The following TUBE1 variants were observed in gnomAD, a reference collection of about 807,000 sequenced individuals.
The protein encoded by TUBE1 is tubulin epsilon 1.
In TUBE1, 34 loss-of-function variants were observed where a neutral mutation model predicts 53.5. The observed-to-expected ratio is 0.64, with a 90% CI of 0.48 to 0.85. The LOEUF (loss-of-function observed/expected upper bound fraction) is 0.85, where lower values mean the gene tolerates loss of function less well. Ranked by LOEUF, TUBE1 falls within the 40% of genes least tolerant of loss-of-function variation. The probability of loss-of-function intolerance (pLI) is 0.00; values close to 1 mark genes in which losing one functional copy is unlikely to be tolerated. For missense variants in TUBE1, 532 were observed against 570.5 expected (o/e 0.93, Z 0.69); for synonymous variants, 177 against 198.4 (o/e 0.89, Z 0.91).
Position 112,071,095 on chromosome 6 carries a change from T to C in TUBE1, c.*317A>G, listed in dbSNP as rs1202647367. 1 of 162,260 alleles carries C rather than the reference T, an allele frequency of 6.2e-6. No homozygotes were observed. The highest frequency in any genetic ancestry group is 1.3e-5 in the Non-Finnish European group (1 of 75,196). The allele number at this position is 162,260 out of a possible 1,614,324, so 10.1% of individuals were successfully genotyped here. A position where few individuals can be genotyped will look rare whatever the true frequency, so the allele number is the denominator to read the frequency against. Reference sequence around the variant, plus strand: ...TAAAAATATATCTGTACAAGATTTTTATTGAAGACACATCAGTGCATAAAT... The same window carrying C: ...TAAAAATATATCTGTACAAGATTTTCATTGAAGACACATCAGTGCATAAAT... On this transcript the variant is annotated 3_prime_UTR_variant, in exon 12 of 12. Coordinates refer to ENST00000368662, the MANE Select transcript of TUBE1 (RefSeq NM_016262.5).
At chr6:112,079,602 C>G (rs374414958) in intron 6 of TUBE1, 31 bp downstream of exon 6, 55 of 1,605,704 alleles carry the variant, frequency 3.4e-5, no homozygotes, top group Non-Finnish European at 4.4e-5. Context: ...TCCTTTAACA[C>G]TGTTACAGGC....
Position 112,084,208 on chromosome 6 carries a change from AT to A in TUBE1, c.190del (p.Ile64TyrfsTer4). 6.2e-7 allele frequency: 1 copy of A among 1,613,028 alleles called. No individual in the cohort carries two copies. Among genetic ancestry groups the A allele is most frequent in the Non-Finnish European group, 8.5e-7 (1 of 1,179,132 alleles). ...GDGGSISKGK[I>X]CSLKARAVLI... ...TCTTACTCGTGCTTTTAAAGAACAT[AT>A]TTTTCCCTTGGAAATACTTCCACCA... On this transcript the variant is annotated frameshift_variant, in exon 4 of 12. Coordinates refer to ENST00000368662, the MANE Select transcript of TUBE1 (RefSeq NM_016262.5). LOFTEE classifies it high-confidence loss of function.
At chr6:112,071,662 G>T (rs1185276211) in intron 11 of TUBE1, 92 bp from the exon 12 acceptor site, 5 of 1,120,658 alleles carry the variant, frequency 4.5e-6, no homozygotes, top group Non-Finnish European at 6.2e-6. Context: ...ATTAAAATTA[G>T]AGTTCATTCA....
chr6:112,072,082 AT>A lies in TUBE1; in HGVS notation c.1095-7del. On this transcript the variant is annotated splice_polypyrimidine_tract_variant and splice_region_variant and intron_variant, in intron 10 of 11. Coordinates refer to ENST00000368662, the MANE Select transcript of TUBE1 (RefSeq NM_016262.5). ...ATTGTAGAGATGGTTTTAATCTGAG[AT>A]TAAAAAAAAAAATCTCAGAAGGTGA... 1 of 1,571,274 alleles carries A rather than the reference AT, an allele frequency of 6.4e-7. No individual in the cohort carries two copies.
rs1776874567 is a variant in TUBE1 at position 112,071,961 on chromosome 6, ATG to A, written c.1208_1209del (p.Thr403MetfsTer30). ...SHSLLALANN[T>X]CVKPTFMELK... ...AGTTCCATGAAGGTGGGCTTCACAC[ATG>A]TGTTATTTGCTAAAGCTAATAACGA... On this transcript the variant is annotated frameshift_variant, in exon 11 of 12. Coordinates refer to ENST00000368662, the MANE Select transcript of TUBE1 (RefSeq NM_016262.5). LOFTEE classifies it high-confidence loss of function. 1.2e-6 allele frequency: 2 copies of A among 1,612,508 alleles called. No homozygotes were observed. The highest frequency in any genetic ancestry group is 1.3e-5 in the African/African-American group (1 of 74,960).
Position 112,071,273 on chromosome 6 carries a change from A to T in TUBE1, c.*139T>A. On this transcript the variant is annotated 3_prime_UTR_variant, in exon 12 of 12. Transcript: ENST00000368662. ...TTGGTATTACCAACAAATTGCGATT[A>T]AACAGAAATCACTCTTTTAGACAAA... The T allele has an allele frequency of 1.3e-6, 1 of 787,204 alleles. No homozygotes were observed. The highest frequency in any genetic ancestry group is 1.8e-6 in the Non-Finnish European group (1 of 542,538). The allele number at this position is 787,204 out of a possible 1,614,324, so 48.8% of individuals were successfully genotyped here. A position where few individuals can be genotyped will look rare whatever the true frequency, so the allele number is the denominator to read the frequency against.
chr6:112,087,381 C>A (rs781917485), intron 1 of TUBE1, 29 bp downstream of exon 1: 5 of 1,551,282 alleles, frequency 3.2e-6, no homozygotes, highest in Non-Finnish European at 4.4e-6. Context: ...CCGCGGCGAC[C>A]AGGTCTCTAC....
At position 112,076,316 on chromosome 6, in the gene TUBE1, TCTTA is replaced by T. The variant is rs782574718; in HGVS notation, c.636+2_636+5del. The T allele has an allele frequency of 4.5e-6, 7 of 1,558,436 alleles. No individual in the cohort carries two copies. Among genetic ancestry groups the T allele is most frequent in the Non-Finnish European group, 6.1e-6 (7 of 1,153,446 alleles). On this transcript the variant is annotated splice_donor_variant and splice_donor_5th_base_variant and intron_variant, in intron 7 of 11. Transcript: ENST00000368662. LOFTEE classifies it high-confidence loss of function. ...TTTATTCATAAGTTCCAATGTCATT[TCTTA>T]CTTGATTGTCAATGGGCAATACACA...
intron 11 of TUBE1, 72 bp from the exon 12 acceptor site, chr6:112,071,642 A>C: frequency 8.0e-7 from 1 of 1,243,540 alleles, no homozygotes; most frequent in Non-Finnish European, 1.1e-6. Flanking sequence ...CTAAAAGGTA[A>C]ATATTCCTTA....
chr6:112,081,684 G>A (rs1554316769), intron 4 of TUBE1, among the ~76,000 whole-genome samples: 1 of 151,668 alleles, frequency 6.6e-6, no homozygotes, highest in Non-Finnish European at 1.5e-5. Context: ...TGACAACATG[G>A]TCCCTTCCCC....
In TUBE1 at chr6:112,071,332, T is replaced by C; in HGVS notation, c.*80A>G. The C allele has an allele frequency of 1.5e-6, 2 of 1,329,076 alleles. No homozygotes were observed. Among genetic ancestry groups the C allele is most frequent in the Admixed American group, 5.0e-5 (2 of 40,110 alleles). 82.3% of individuals were successfully genotyped at this position (1,329,076 alleles called of 1,614,324 possible). A position where few individuals can be genotyped will look rare whatever the true frequency, so the allele number is the denominator to read the frequency against. On this transcript the variant is annotated 3_prime_UTR_variant, in exon 12 of 12. Coordinates refer to ENST00000368662, the MANE Select transcript of TUBE1 (RefSeq NM_016262.5). ...CCGATAATATGAAAAAACTGGAGTT[T>C]CCAAATTACAAAAATGTTGAAACAG...
intron 10 of TUBE1, among the ~76,000 whole-genome samples, chr6:112,072,533 A>C (rs1189204192): frequency 6.6e-6 from 1 of 152,202 alleles, no homozygotes; most frequent in Admixed American, 6.5e-5. Flanking sequence ...TCATAAAATA[A>C]AACATGTCAT....
rs587728365 is a variant in TUBE1, at chr6:112,074,916, G to A, written c.813-66C>T. 1.3e-5 allele frequency: 15 copies of A among 1,126,766 alleles called. No individual in the cohort carries two copies. In the African/African-American group the frequency reaches 1.6e-4, roughly 12 times the overall value. The allele number at this position is 1,126,766 out of a possible 1,614,324, so 69.8% of individuals were successfully genotyped here. ...AAATTATACACTTTAAATGTAGCTC[G>A]ATTTATTCAGCAGGTAGTTTCTTAA... On this transcript the variant is annotated intron_variant, in intron 8 of 11. Transcript: ENST00000368662.
intron 4 of TUBE1, 81 bp from the exon 5 acceptor site, chr6:112,081,288 G>A: frequency 1.4e-6 from 1 of 690,378 alleles, no homozygotes; most frequent in Non-Finnish European, 2.4e-6. Flanking sequence ...TTTATGCGCT[G>A]AATATTGCAC....
Position 112,084,207 on chromosome 6 carries a change from T to A in TUBE1, c.192A>T (p.Ile64=). 1 of 1,612,958 alleles carries A rather than the reference T, an allele frequency of 6.2e-7. No individual in the cohort carries two copies. Among genetic ancestry groups the A allele is most frequent in the Non-Finnish European group, 8.5e-7 (1 of 1,179,042 alleles). Residue 64 remains isoleucine (I), a synonymous_variant, in exon 4 of 12, where the codon ATA becomes ATT. Transcript: ENST00000368662. ...ATCTTACTCGTGCTTTTAAAGAACA[T>A]ATTTTTCCCTTGGAAATACTTCCAC... The part of the protein sequence containing the change: ...GDGGSISKGK[I]CSLKARAVLI...
intron 4 of TUBE1, among the ~76,000 whole-genome samples, chr6:112,081,799 GAAAAA>G (rs66773667): frequency 9.5e-6 from 1 of 105,570 alleles, no homozygotes; most frequent in Non-Finnish European, 2.1e-5. Context: ...ATTAATTATG[GAAAAA>G]AAAAAAACAG....
intron 3 of TUBE1, 139 bp downstream of exon 3, chr6:112,086,417 T>C (rs1777157803): frequency 5.9e-6 from 3 of 506,300 alleles, no homozygotes; most frequent in East Asian, 3.3e-5. Flanking sequence ...AATAATCTAA[T>C]AGAATAAATA....
In TUBE1 at chr6:112,087,366, G is replaced by A. The variant is rs782636355; in HGVS notation, c.25+44C>T. 15 of 1,551,248 alleles carry A rather than the reference G, an allele frequency of 9.7e-6. No homozygotes were observed. The South Asian group carries it at 1.7e-4, about 17-fold the overall frequency. ...ACATTAAGCAGGAAACATGGCCGCT[G>A]GATTCCGCGGCGACCAGGTCTCTAC... On this transcript the variant is annotated intron_variant, in intron 1 of 11. Transcript: ENST00000368662.
Position 112,087,462 on chromosome 6 carries a change from T to C in TUBE1, c.-28A>G. ...TGGTGCGCCGCCGGCTCCGGGAGCTTGCTAGCCCGCGGCCGCTTCTGCATT... is the reference window on the plus strand; with the variant it reads ...TGGTGCGCCGCCGGCTCCGGGAGCTCGCTAGCCCGCGGCCGCTTCTGCATT... On this transcript the variant is annotated 5_prime_UTR_variant, in exon 1 of 12. Transcript: ENST00000368662. The C allele has an allele frequency of 1.9e-6, 3 of 1,548,730 alleles. No homozygotes were observed. The highest frequency in any genetic ancestry group is 2.4e-5 in the South Asian group (2 of 83,972).
Sources: allele counts gnomAD v4.1 joint callset (sites outside exome capture counted in the v4.1 genomes callset), GRCh38; gene constraint gnomAD v4.1.1; transcripts MANE v1.5; gene names NCBI Gene and HGNC (gene_info 2026-07-23, HGNC 2026-07-21).